The following MRTFB variants were observed in gnomAD, a reference collection of about 807,000 sequenced individuals.
MRTFB encodes myocardin related transcription factor B.
Under a neutral mutation model 104.2 loss-of-function variants are expected in MRTFB, and 29 were observed. The ratio of observed to expected loss-of-function variants is 0.28; its 90% confidence interval spans 0.21 to 0.38. The LOEUF is 0.38. Ranked by LOEUF, MRTFB falls within the 10% of genes least tolerant of loss-of-function variation. MRTFB has a pLI of 1.00. For synonymous variants in MRTFB, 535 were observed against 519.5 expected, an observed-to-expected ratio of 1.03 and a Z score of -0.41; for missense variants, 1,270 against 1,341.6, an observed-to-expected ratio of 0.95 and a Z score of 0.83.
chr16:14,093,581 A>G (rs1438486127), intron 2 of MRTFB, among the ~76,000 whole-genome samples: 1 of 152,224 alleles, frequency 6.6e-6, no homozygotes, highest in East Asian at 1.9e-4. Context: ...GTATATAGAT[A>G]CTATGATCAT....
chr16:14,200,119 T>C (rs1333630777), intron 3 of MRTFB: 2 of 632,850 alleles, frequency 3.2e-6, no homozygotes, highest in South Asian at 2.1e-5. Context: ...AAGGGCGTGT[T>C]CCATTATTAG....
chr16:14,168,358 A>G (rs1567408769), intron 3 of MRTFB, among the ~76,000 whole-genome samples: 1 of 152,146 alleles, frequency 6.6e-6, no homozygotes, highest in African/African-American at 2.4e-5. Context: ...GAGCATTGCT[A>G]TCACCGCAGA....
At chr16:14,040,708 C>T in the MRTFB span, among the ~76,000 whole-genome samples, 1 of 152,120 alleles carries the variant, frequency 6.6e-6, no homozygotes, top group African/African-American at 2.4e-5. Flanking sequence ...AGTGATCTAC[C>T]CACCTTGGCC....
At chr16:14,010,443 G>A in the MRTFB span, among the ~76,000 whole-genome samples, 22 of 152,050 alleles carry the variant, frequency 1.4e-4, no homozygotes, top group African/African-American at 5.1e-4. Flanking sequence ...CGAGTAGCTG[G>A]GGCCACAGGC....
chr16:14,017,705 A>T, the MRTFB span, among the ~76,000 whole-genome samples: 22 of 28,262 alleles, frequency 7.8e-4, 2 homozygotes, highest in Non-Finnish European at 1.3e-3. Context: ...ATATATATAT[A>T]TATATATTTT....
At chr16:14,174,354 A>T (rs911993255) in intron 3 of MRTFB, among the ~76,000 whole-genome samples, 10 of 152,168 alleles carry the variant, frequency 6.6e-5, no homozygotes, top group Admixed American at 6.6e-4. Flanking sequence ...ATACTGTTAC[A>T]GCTTCATTTT....
Position 14,247,270 on chromosome 16 carries a change from G to C in MRTFB, c.2010G>C (p.Gln670His). 1 of 1,614,230 alleles carries C rather than the reference G, an allele frequency of 6.2e-7. No individual in the cohort carries two copies. The highest frequency in any genetic ancestry group is 2.2e-5 in the East Asian group (1 of 44,878). ...GCCAGCCCGTCTCTACAGGTGGCCA[G>C]ACCCTTGTTGCCAAAAAGGCTGTAG... ...AVGQPVSTGG[Q>H]TLVAKKAVVI... is the part of the protein sequence containing the mutation. The change falls in exon 12 of 17, where the codon CAG becomes CAC. Residue 670 changes from glutamine (Q) to histidine (H), a missense_variant. Coordinates refer to ENST00000571589, the MANE Select transcript of MRTFB (RefSeq NM_001308142.2).
intron 8 of MRTFB, among the ~76,000 whole-genome samples, chr16:14,220,116 G>A (rs1461113939): frequency 6.6e-6 from 1 of 152,164 alleles, no homozygotes; most frequent in Admixed American, 6.5e-5. Flanking sequence ...GGTGATCCTG[G>A]CCTAGAAGTA....
intron 3 of MRTFB, among the ~76,000 whole-genome samples, chr16:14,179,767 A>C (rs2039706308): frequency 6.6e-6 from 1 of 152,222 alleles, no homozygotes; most frequent in Non-Finnish European, 1.5e-5. Context: ...AGAGGACTAG[A>C]CTGAAGTCGA....
At chr16:14,012,731 G>A in the MRTFB span, among the ~76,000 whole-genome samples, 1 of 152,182 alleles carries the variant, frequency 6.6e-6, no homozygotes, top group Non-Finnish European at 1.5e-5. Flanking sequence ...TTAACATGCA[G>A]TAAATGGTAG....
At chr16:14,151,267 G>A (rs888178887) in intron 3 of MRTFB, 1 of 152,168 alleles carries the variant, frequency 6.6e-6, no homozygotes, top group South Asian at 2.1e-4. Flanking sequence ...GGTAGTAAAT[G>A]ATAAAAATAG....
chr16:14,108,184 C>T (rs1389048629), intron 2 of MRTFB, among the ~76,000 whole-genome samples: 1 of 152,162 alleles, frequency 6.6e-6, no homozygotes, highest in African/African-American at 2.4e-5. Flanking sequence ...ATGCTAGATG[C>T]TGTGAAGGAG....
chr16:14,250,729 G>T (rs998734235), intron 13 of MRTFB, among the ~76,000 whole-genome samples: 3 of 152,168 alleles, frequency 2.0e-5, no homozygotes, highest in Non-Finnish European at 4.4e-5. Context: ...TGTGGCAGGG[G>T]GTCTATGCCG....
intron 2 of MRTFB, among the ~76,000 whole-genome samples, chr16:14,128,049 A>G (rs2037248808): frequency 6.6e-6 from 1 of 150,618 alleles, no homozygotes; most frequent in Non-Finnish European, 1.5e-5. Flanking sequence ...TGGGTTTTGC[A>G]AAAGAGAAAA....
the MRTFB span, among the ~76,000 whole-genome samples, chr16:14,032,034 C>A: frequency 6.6e-6 from 1 of 152,228 alleles, no homozygotes; most frequent in Admixed American, 6.5e-5. Context: ...TCTTGAACTC[C>A]TGACCTCAAG....
chr16:14,246,333 T>C (rs754893224), intron 11 of MRTFB, 140 bp from the exon 12 acceptor site: 1 of 770,878 alleles, frequency 1.3e-6, no homozygotes, highest in Non-Finnish European at 2.1e-6. Flanking sequence ...TGTGCTTAAA[T>C]ATAAAACCAG....
At chr16:14,069,614 A>C (rs1033617028), upstream of MRTFB, among the ~76,000 whole-genome samples, 3 of 152,170 alleles carry the variant, frequency 2.0e-5, no homozygotes, top group African/African-American at 7.2e-5. Flanking sequence ...CCTCCAGAGT[A>C]ACTGGAACTC....
chr16:14,250,651 A>G (rs957459334), intron 13 of MRTFB, among the ~76,000 whole-genome samples: 1 of 152,232 alleles, frequency 6.6e-6, no homozygotes, highest in Admixed American at 6.5e-5. Context: ...ATGCCAGCCA[A>G]AGATTAGGGT....
chr16:14,109,343 G>A (rs1220312742), intron 2 of MRTFB, among the ~76,000 whole-genome samples: 1 of 152,088 alleles, frequency 6.6e-6, no homozygotes, highest in Non-Finnish European at 1.5e-5. Context: ...TAAGCAAACG[G>A]ATGTACTCAG....
Sources: gnomAD v4.1 joint callset for allele counts (sites outside exome capture counted in the v4.1 genomes callset) on GRCh38, gnomAD v4.1.1 for gene constraint, MANE v1.5 for transcripts, NCBI Gene and HGNC (gene_info 2026-07-23, HGNC 2026-07-21) for gene names.